EPSTI1: variants seen among roughly 807,000 people sequenced by gnomAD.
EPSTI1 encodes epithelial stromal interaction 1, also known as epithelial-stromal interaction protein 1.
A neutral mutation model predicts 49.9 loss-of-function variants in EPSTI1; 66 were observed. That is an observed-to-expected ratio of 1.32 (90% CI 1.08 to 1.62). The LOEUF (loss-of-function observed/expected upper bound fraction) is 1.62, where lower values mean the gene tolerates loss of function less well. Among genes scored for constraint, EPSTI1 ranks in the 40% most tolerant of loss-of-function variants. EPSTI1 has a pLI of 0.00. For missense variants in EPSTI1, 394 were observed against 365.5 expected, an observed-to-expected ratio of 1.08 and a Z score of -0.64; for synonymous variants, 137 against 130.7, an observed-to-expected ratio of 1.05 and a Z score of -0.33.
chr13:42,920,671 A>G (rs2037966975), intron 7 of EPSTI1, among the ~76,000 whole-genome samples: 1 of 152,180 alleles, frequency 6.6e-6, no homozygotes, highest in Admixed American at 6.6e-5. Flanking sequence ...AGGAAATGAA[A>G]AGTGTATTTT....
At chr13:42,950,240 A>C (rs1477714526) in intron 6 of EPSTI1, among the ~76,000 whole-genome samples, 1 of 152,210 alleles carries the variant, frequency 6.6e-6, no homozygotes, top group East Asian at 1.9e-4. Context: ...AAACAGTCAC[A>C]GTCATTCAAT....
At chr13:42,984,277 A>G (rs1036155836) in intron 1 of EPSTI1, among the ~76,000 whole-genome samples, 14 of 152,232 alleles carry the variant, frequency 9.2e-5, no homozygotes, top group African/African-American at 3.4e-4. Context: ...GAAGAATACT[A>G]GACTGATGCA....
chr13:42,897,608 C>T (rs2037231558), intron 9 of EPSTI1, among the ~76,000 whole-genome samples: 2 of 152,210 alleles, frequency 1.3e-5, no homozygotes, highest in African/African-American at 4.8e-5. Flanking sequence ...GCTCTCAATT[C>T]ACTCAAACCC....
chr13:42,965,408 G>A (rs2039575782), intron 3 of EPSTI1, among the ~76,000 whole-genome samples: 1 of 152,140 alleles, frequency 6.6e-6, no homozygotes, highest in Non-Finnish European at 1.5e-5. Flanking sequence ...CTCATTTTCT[G>A]CTAAGGCTTC....
intron 6 of EPSTI1, among the ~76,000 whole-genome samples, chr13:42,929,589 T>C (rs2038296005): frequency 6.6e-6 from 1 of 152,210 alleles, no homozygotes. Flanking sequence ...ACTACAGGTA[T>C]ATTCCTGGTA....
At chr13:42,894,318 G>A (rs2037124500) in intron 10 of EPSTI1, among the ~76,000 whole-genome samples, 1 of 152,110 alleles carries the variant, frequency 6.6e-6, no homozygotes, top group Admixed American at 6.5e-5. Context: ...GAGTGAGTGA[G>A]AGAGAGAGAA....
At chr13:42,931,803 A>G (rs1476644060) in intron 6 of EPSTI1, among the ~76,000 whole-genome samples, 1 of 152,200 alleles carries the variant, frequency 6.6e-6, no homozygotes, top group Non-Finnish European at 1.5e-5. Context: ...TATGATATGG[A>G]TATAATACAT....
chr13:42,889,943 T>G (rs1255457512), intron 10 of EPSTI1, among the ~76,000 whole-genome samples: 2 of 152,184 alleles, frequency 1.3e-5, no homozygotes, highest in African/African-American at 4.8e-5. Context: ...TTTTATGAAT[T>G]ATGTCGGGAC....
chr13:42,940,158 C>G (rs775266305), intron 6 of EPSTI1, among the ~76,000 whole-genome samples: 17 of 152,348 alleles, frequency 1.1e-4, no homozygotes, highest in Non-Finnish European at 1.8e-4. Context: ...TCAACTTCGT[C>G]ATCTCTTTTT....
At chr13:42,917,432 T>C in intron 8 of EPSTI1, 109 bp downstream of exon 8, 1 of 980,350 alleles carries the variant, frequency 1.0e-6, no homozygotes, top group South Asian at 1.5e-5. Flanking sequence ...GCTTGTATTC[T>C]TGTTTTCAGG....
intron 6 of EPSTI1, among the ~76,000 whole-genome samples, chr13:42,938,946 A>G (rs1052641560): frequency 7.1e-6 from 1 of 140,872 alleles, no homozygotes; most frequent in Non-Finnish European, 1.5e-5. Context: ...GTTGTTTAGT[A>G]TACACACCTT....
At chr13:42,888,557 C>T (rs1292326962) in intron 10 of EPSTI1, 55 bp from the exon 11 acceptor site, 1 of 1,542,534 alleles carries the variant, frequency 6.5e-7, no homozygotes, top group East Asian at 2.3e-5. Flanking sequence ...AATTCAAAGC[C>T]TTTGTAGTCA....
intron 10 of EPSTI1, among the ~76,000 whole-genome samples, chr13:42,892,096 G>A (rs1428382303): frequency 3.3e-5 from 5 of 152,180 alleles, no homozygotes; most frequent in Non-Finnish European, 5.9e-5. Flanking sequence ...AGAGCACCCA[G>A]TGCTCTCAGC....
intron 8 of EPSTI1, among the ~76,000 whole-genome samples, chr13:42,902,232 CT>C (rs11431398): frequency 4.9e-4 from 73 of 148,992 alleles, no homozygotes; most frequent in South Asian, 8.6e-4. Flanking sequence ...TCTCTTACAA[CT>C]TTTTTTTTTT....
chr13:42,952,298 G>A (rs2039123372), intron 6 of EPSTI1, among the ~76,000 whole-genome samples: 1 of 152,056 alleles, frequency 6.6e-6, no homozygotes, highest in African/African-American at 2.4e-5. Context: ...CACTCTTTGG[G>A]TCTGTGCCAC....
Position 42,917,640 on chromosome 13 carries a change from G to GAAAAAAAAAAAAAA in EPSTI1, c.658-17_658-16insTTTTTTTTTTTTTT. The GAAAAAAAAAAAAAA allele has an allele frequency of 6.7e-6, 1 of 149,414 alleles. No individual in the cohort carries two copies. Among genetic ancestry groups the GAAAAAAAAAAAAAA allele is most frequent in the Non-Finnish European group, 1.1e-5 (1 of 92,634 alleles). 9.3% of individuals were successfully genotyped at this position (149,414 alleles called of 1,614,324 possible). On this transcript the variant is annotated splice_polypyrimidine_tract_variant and intron_variant, in intron 7 of 10. Coordinates refer to ENST00000313624, the MANE Select transcript of EPSTI1 (RefSeq NM_033255.5). ...AGCTTCTGGCCTGTAAAGGTACAAA[G>GAAAAAAAAAAAAAA]AGAAAAAAAAAAAAAAAAACAACTT...
At chr13:42,933,571 A>G (rs1379318298) in intron 6 of EPSTI1, among the ~76,000 whole-genome samples, 1 of 152,130 alleles carries the variant, frequency 6.6e-6, no homozygotes, top group African/African-American at 2.4e-5. Context: ...CCTCTTTGCC[A>G]TTGTCATCCT....
chr13:42,965,190 G>A (rs1249586957), intron 3 of EPSTI1, among the ~76,000 whole-genome samples: 3 of 152,114 alleles, frequency 2.0e-5, no homozygotes, highest in East Asian at 3.9e-4. Context: ...TTCCAATATT[G>A]TAAGGGGTAG....
At chr13:42,969,326 C>T (rs1192334773) in intron 2 of EPSTI1, 149 bp from the exon 3 acceptor site, 3 of 742,296 alleles carry the variant, frequency 4.0e-6, no homozygotes, top group African/African-American at 1.8e-5. Context: ...ACACAATATT[C>T]AGCCCTGACC....
Sources: gnomAD v4.1 joint callset for allele counts (sites outside exome capture counted in the v4.1 genomes callset) on GRCh38, gnomAD v4.1.1 for gene constraint, MANE v1.5 for transcripts, NCBI Gene and HGNC (gene_info 2026-07-23, HGNC 2026-07-21) for gene names.